ZNF385D: variants seen among roughly 807,000 people sequenced by gnomAD.
ZNF385D encodes the protein zinc finger protein 385D.
Under a neutral mutation model 35.8 loss-of-function variants are expected in ZNF385D, and 15 were observed. That is an observed-to-expected ratio of 0.42 (90% CI 0.28 to 0.64). The LOEUF is 0.64. ZNF385D is among the 30% of genes least tolerant of loss of function. ZNF385D has a pLI of 0.23. For synonymous variants in ZNF385D, 212 were observed against 186.8 expected (o/e 1.13, Z -1.10); for missense variants, 474 against 494.6 (o/e 0.96, Z 0.39).
Position 22,237,195 on chromosome 3 carries a change from C to CT in ZNF385D, c.107-68161dup, listed in dbSNP as rs34524822. On this transcript the variant is annotated intron_variant, in intron 2 of 5. Coordinates refer to the ZNF385D transcript ENST00000494108. ...GTCTTTGCCAGCAATAGTTAATATC[C>CT]TTTTTTTTTTATTACAGCCATTCTC... Among the ~76,000 whole-genome samples the CT allele has an allele frequency of 2.1e-3, 322 of 151,618 alleles. 1 individual carries two copies. Among genetic ancestry groups the CT allele is most frequent in the Non-Finnish European group, 2.8e-3 (187 of 67,870 alleles).
intron 1 of ZNF385D, among the ~76,000 whole-genome samples, chr3:21,682,299 T>C (rs2066941000): frequency 7.4e-6 from 1 of 134,908 alleles, no homozygotes; most frequent in Non-Finnish European, 1.7e-5. Flanking sequence ...GTACACAACC[T>C]GGAAAATAGC....
chr3:22,291,901 TTTTC>T (rs1464271175), intron 2 of ZNF385D, among the ~76,000 whole-genome samples: 13 of 152,152 alleles, frequency 8.5e-5, no homozygotes, highest in Non-Finnish European at 1.5e-4. Context: ...TGGTGAGAAA[TTTTC>T]TTTTCTTCTA....
chr3:21,875,249 T>C (rs913832164), intron 3 of ZNF385D, among the ~76,000 whole-genome samples: 16 of 141,218 alleles, frequency 1.1e-4, no homozygotes, highest in Admixed American at 7.0e-4. Flanking sequence ...TTATTTCTTT[T>C]TTTTAACCTA....
At chr3:22,181,740 ATACATCATGAGTGGGATTATGT>A (rs1695292394) in intron 2 of ZNF385D, among the ~76,000 whole-genome samples, 3 of 151,890 alleles carry the variant, frequency 2.0e-5, no homozygotes, top group African/African-American at 7.3e-5. Flanking sequence ...GTGATGGGAT[ATACATCATGAGTGGGATTATGT>A]TACAAAAAGA....
Position 21,421,461 on chromosome 3 carries a change from A to C in ZNF385D, c.955-14T>G. On this transcript the variant is annotated splice_polypyrimidine_tract_variant and intron_variant, in intron 7 of 7. Transcript: ENST00000281523. The stretch of plus-strand genomic sequence containing the variant: ...TACTAATTTTACCTGCAAGGGAGAA[A>C]AAATATTGTAAAAAAAACAACAGTT... 1 of 1,582,786 alleles carries C rather than the reference A, an allele frequency of 6.3e-7. No individual in the cohort carries two copies. Among genetic ancestry groups the C allele is most frequent in the Non-Finnish European group, 8.6e-7 (1 of 1,158,974 alleles).
At chr3:22,304,487 T>A (rs942989361) in intron 2 of ZNF385D, among the ~76,000 whole-genome samples, 3 of 152,204 alleles carry the variant, frequency 2.0e-5, no homozygotes, top group Non-Finnish European at 4.4e-5. Context: ...GTTACACATT[T>A]TAAAACAAAT....
intron 3 of ZNF385D, among the ~76,000 whole-genome samples, chr3:21,851,833 T>G (rs1404575047): frequency 6.6e-6 from 1 of 152,006 alleles, no homozygotes; most frequent in Non-Finnish European, 1.5e-5. Flanking sequence ...GGTCCAGATA[T>G]AGACAACATT....
At chr3:21,479,018 G>C (rs375005635) in intron 4 of ZNF385D, among the ~76,000 whole-genome samples, 7 of 146,802 alleles carry the variant, frequency 4.8e-5, no homozygotes, top group Admixed American at 1.4e-4. Context: ...ACATGATAAA[G>C]TGAAAACCAT....
At chr3:21,782,067 G>T (rs1009421813) in intron 3 of ZNF385D, among the ~76,000 whole-genome samples, 4 of 152,042 alleles carry the variant, frequency 2.6e-5, no homozygotes, top group South Asian at 2.1e-4. Flanking sequence ...TCTGTGGAAA[G>T]GGACTCATTT....
intron 4 of ZNF385D, among the ~76,000 whole-genome samples, chr3:21,461,762 C>T (rs550809237): frequency 4.6e-5 from 7 of 152,328 alleles, no homozygotes; most frequent in African/African-American, 1.7e-4. Context: ...CAACTTGTAG[C>T]TGTACATTTC....
At chr3:21,775,612 A>T (rs1208792375) in intron 3 of ZNF385D, among the ~76,000 whole-genome samples, 1 of 151,908 alleles carries the variant, frequency 6.6e-6, no homozygotes, top group Non-Finnish European at 1.5e-5. Flanking sequence ...TCCGTAACTT[A>T]TCATGATGAT....
intron 3 of ZNF385D, among the ~76,000 whole-genome samples, chr3:21,983,176 T>A (rs200886649): frequency 0.11 from 15,705 of 147,620 alleles, 1,104 homozygotes; most frequent in South Asian, 0.26. Flanking sequence ...TATTTTTTTT[T>A]ATTATACTTT....
intron 1 of ZNF385D, among the ~76,000 whole-genome samples, chr3:21,736,066 AC>A (rs2069229684): frequency 6.6e-6 from 1 of 152,198 alleles, no homozygotes; most frequent in South Asian, 2.1e-4. Context: ...CCTTTGCATG[AC>A]ATTTTCAATC....
chr3:21,959,881 C>G (rs1014672008), intron 3 of ZNF385D, among the ~76,000 whole-genome samples: 1 of 151,868 alleles, frequency 6.6e-6, no homozygotes, highest in African/African-American at 2.4e-5. Context: ...TGTCTGGCAA[C>G]AAAACTCAAC....
chr3:21,679,975 C>T (rs1281110556), intron 1 of ZNF385D, among the ~76,000 whole-genome samples: 1 of 152,054 alleles, frequency 6.6e-6, no homozygotes, highest in Non-Finnish European at 1.5e-5. Context: ...ATGAGAGAGA[C>T]TCGCTCAGTG....
intron 2 of ZNF385D, among the ~76,000 whole-genome samples, chr3:21,628,860 CTAAAA>C (rs1326437638): frequency 6.6e-6 from 1 of 152,178 alleles, no homozygotes; most frequent in East Asian, 1.9e-4. Context: ...AGTGACTCTA[CTAAAA>C]TAATATATAT....
chr3:21,624,492 A>C (rs931585131), intron 2 of ZNF385D, among the ~76,000 whole-genome samples: 1 of 152,120 alleles, frequency 6.6e-6, no homozygotes, highest in Admixed American at 6.6e-5. Context: ...GGAGAGACTT[A>C]GTTTCTTTTA....
intron 3 of ZNF385D, among the ~76,000 whole-genome samples, chr3:21,903,281 A>T (rs1438017847): frequency 6.6e-6 from 1 of 152,126 alleles, no homozygotes; most frequent in African/African-American, 2.4e-5. Context: ...TTTCAAACAG[A>T]CTATTATAGA....
chr3:21,747,322 A>G (rs1193526252), intron 1 of ZNF385D, among the ~76,000 whole-genome samples: 1 of 152,100 alleles, frequency 6.6e-6, no homozygotes. Flanking sequence ...AAAGTGTATC[A>G]TTTCATTTTT....
Sources: gnomAD v4.1 joint callset for allele counts (sites outside exome capture counted in the v4.1 genomes callset) on GRCh38, gnomAD v4.1.1 for gene constraint, MANE v1.5 for transcripts, NCBI Gene and HGNC (gene_info 2026-07-23, HGNC 2026-07-21) for gene names.